The following DPP10 variants were observed in gnomAD, a reference collection of about 807,000 sequenced individuals.
The protein encoded by DPP10 is inactive dipeptidyl peptidase 10.
Under a neutral mutation model 120.9 loss-of-function variants are expected in DPP10, and 33 were observed. The observed-to-expected ratio is 0.27, with a 90% confidence interval of 0.21 to 0.37. DPP10 has a LOEUF of 0.37. DPP10 is among the 10% of genes least tolerant of loss of function. The pLI is 1.00. For missense variants in DPP10, 816 were observed against 942.8 expected (o/e 0.87, Z 1.76); for synonymous variants, 337 against 326.1 (o/e 1.03, Z -0.36).
At chr2:114,497,285 ATACATGTACATGTATACG>A (rs1682683613) in intron 1 of DPP10, among the ~76,000 whole-genome samples, 10 of 67,070 alleles carry the variant, frequency 1.5e-4, no homozygotes, top group South Asian at 1.1e-3. Flanking sequence ...GTATACGTGT[ATACATGTACATGTATACG>A]TGTATACATG....
intron 3 of DPP10, among the ~76,000 whole-genome samples, chr2:115,465,805 G>C (rs1040512342): frequency 5.3e-5 from 8 of 150,588 alleles, no homozygotes; most frequent in African/African-American, 1.9e-4. Context: ...CTGGGTGACA[G>C]AGTGAGGCTT....
chr2:115,193,764 ACT>A (rs1292084242), intron 1 of DPP10, among the ~76,000 whole-genome samples: 1 of 151,728 alleles, frequency 6.6e-6, no homozygotes, highest in Non-Finnish European at 1.5e-5. Context: ...AATTTTCCTA[ACT>A]CTATTTCTAC....
intron 1 of DPP10, among the ~76,000 whole-genome samples, chr2:115,044,012 C>A (rs1704872449): frequency 6.6e-6 from 1 of 152,010 alleles, no homozygotes; most frequent in Admixed American, 6.6e-5. Flanking sequence ...ATAATCATTG[C>A]CTCAAGTATT....
At chr2:115,633,504 A>T (rs867670829) in intron 5 of DPP10, among the ~76,000 whole-genome samples, 1 of 152,254 alleles carries the variant, frequency 6.6e-6, no homozygotes, top group Admixed American at 6.5e-5. Flanking sequence ...TGGGTGCAGC[A>T]CACCAACATG....
At chr2:114,837,315 G>A (rs1660363187) in intron 1 of DPP10, among the ~76,000 whole-genome samples, 1 of 152,138 alleles carries the variant, frequency 6.6e-6, no homozygotes, top group Non-Finnish European at 1.5e-5. Context: ...CTTCTGCCAT[G>A]TCTTCAGCCG....
chr2:115,757,285 G>A (rs977110005), intron 11 of DPP10, among the ~76,000 whole-genome samples: 2 of 151,848 alleles, frequency 1.3e-5, no homozygotes, highest in African/African-American at 4.8e-5. Flanking sequence ...GTAATAGTCT[G>A]TTTTCATGCT....
chr2:115,600,055 TTTTG>T lies in DPP10; in HGVS notation c.441+74099_441+74102del, dbSNP rs542762906. On this transcript the variant is annotated intron_variant, in intron 5 of 25. Coordinates refer to ENST00000410059, the MANE Select transcript of DPP10 (RefSeq NM_020868.6). ...ACCCCAGAGCGCCGTCACCTGTTTT[TTTTG>T]TTTGTTTGTTTGTTTTTGTTTTTTT... Among the ~76,000 whole-genome samples, 179 of 152,192 alleles carry T rather than the reference TTTTG, an allele frequency of 1.2e-3. 5 individuals carry two copies. The South Asian group carries it at 0.026, about 22-fold the overall frequency.
chr2:114,978,444 G>A (rs886925404), intron 1 of DPP10, among the ~76,000 whole-genome samples: 3 of 152,100 alleles, frequency 2.0e-5, no homozygotes, highest in South Asian at 2.1e-4. Context: ...AAATCACACT[G>A]TTGATAAAAT....
At chr2:115,467,975 G>A in intron 3 of DPP10, 1 of 265,344 alleles carries the variant, frequency 3.8e-6, no homozygotes, top group South Asian at 4.3e-5. Context: ...TTCTCCTAAG[G>A]AAATTGAGCT....
At chr2:114,461,420 G>A (rs546594617) in intron 1 of DPP10, among the ~76,000 whole-genome samples, 3 of 152,306 alleles carry the variant, frequency 2.0e-5, no homozygotes, top group South Asian at 4.1e-4. Context: ...GGTTCACCAG[G>A]AGAGAACAAT....
chr2:115,532,505 A>G (rs1174269684), intron 5 of DPP10, among the ~76,000 whole-genome samples: 2 of 152,112 alleles, frequency 1.3e-5, no homozygotes, highest in East Asian at 1.9e-4. Flanking sequence ...ACATACTACA[A>G]TATGTATTTA....
At chr2:115,290,737 C>T (rs1574313280) in intron 1 of DPP10, among the ~76,000 whole-genome samples, 2 of 152,014 alleles carry the variant, frequency 1.3e-5, no homozygotes, top group African/African-American at 4.8e-5. Flanking sequence ...TTTCATTTTC[C>T]CTGTAAATCA....
chr2:114,989,088 A>G (rs929045092), intron 1 of DPP10, among the ~76,000 whole-genome samples: 24 of 152,212 alleles, frequency 1.6e-4, no homozygotes, highest in African/African-American at 5.3e-4. Flanking sequence ...AATCAAGTGT[A>G]TATTAGACAG....
intron 4 of DPP10, among the ~76,000 whole-genome samples, chr2:115,510,148 T>C (rs1044343041): frequency 3.3e-5 from 5 of 152,178 alleles, no homozygotes; most frequent in Non-Finnish European, 7.4e-5. Context: ...AGGTATGTTG[T>C]CTTTCACTTT....
chr2:115,239,022 C>G (rs1251431148), intron 1 of DPP10, among the ~76,000 whole-genome samples: 1 of 152,088 alleles, frequency 6.6e-6, no homozygotes, highest in Non-Finnish European at 1.5e-5. Flanking sequence ...GGAGGCTAAG[C>G]CAATCTAGCC....
intron 1 of DPP10, among the ~76,000 whole-genome samples, chr2:114,913,494 C>G (rs952091078): frequency 6.6e-6 from 1 of 152,160 alleles, no homozygotes; most frequent in Non-Finnish European, 1.5e-5. Context: ...CTGAGCTGAG[C>G]CTTGACTCCG....
intron 1 of DPP10, among the ~76,000 whole-genome samples, chr2:115,133,137 G>GTATA (rs2050448871): frequency 1.6e-5 from 1 of 62,892 alleles, no homozygotes; most frequent in African/African-American, 8.2e-5. Context: ...GTGTGTGTGT[G>GTATA]TGTGTGTGTA....
intron 1 of DPP10, among the ~76,000 whole-genome samples, chr2:115,186,170 C>G (rs891375533): frequency 2.6e-5 from 4 of 152,160 alleles, no homozygotes; most frequent in African/African-American, 7.2e-5. Flanking sequence ...CTGCGGAGCT[C>G]CGTTGTTTTT....
At chr2:115,181,834 C>T (rs1255290605) in intron 1 of DPP10, among the ~76,000 whole-genome samples, 2 of 152,096 alleles carry the variant, frequency 1.3e-5, no homozygotes, top group Non-Finnish European at 2.9e-5. Context: ...CAGACATTCA[C>T]TATAATAGAA....
Sources: gnomAD v4.1 joint callset for allele counts (sites outside exome capture counted in the v4.1 genomes callset) on GRCh38, gnomAD v4.1.1 for gene constraint, MANE v1.5 for transcripts, NCBI Gene and HGNC (gene_info 2026-07-23, HGNC 2026-07-21) for gene names.